EVC2: variants seen among roughly 807,000 people sequenced by gnomAD.
EVC2 encodes the protein EvC ciliary complex subunit 2.
In EVC2, 148 loss-of-function variants were observed where a neutral mutation model predicts 149.3. The observed-to-expected ratio is 0.99, with a 90% CI of 0.87 to 1.14. The LOEUF (loss-of-function observed/expected upper bound fraction) is 1.14. Ranked by LOEUF, EVC2 falls within the 50% of genes most tolerant of loss-of-function variation. The probability of loss-of-function intolerance (pLI) is 0.00; values close to 1 mark genes in which losing one functional copy is unlikely to be tolerated. For synonymous variants in EVC2, 776 were observed against 649.9 expected (o/e 1.19, Z -2.95); for missense variants, 1,854 against 1,627.3 (o/e 1.14, Z -2.40).
In EVC2 at chr4:5,632,309, A is replaced by G. The variant is rs562794130; in HGVS notation, c.1471-277T>C. ...CACAGAACTTGCACACACACAAGGC[A>G]CAAGTACATGTGCGCACACAGCATA... On this transcript the variant is annotated intron_variant, in intron 10 of 21. Transcript: ENST00000344408. Among the ~76,000 whole-genome samples, 8 of 152,346 alleles carry G rather than the reference A, an allele frequency of 5.3e-5. No individual in the cohort carries two copies. In the South Asian group the frequency reaches 6.2e-4, roughly 12 times the overall value.
chr4:5,573,755 C>G (rs1315295214), intron 19 of EVC2, among the ~76,000 whole-genome samples: 1 of 152,184 alleles, frequency 6.6e-6, no homozygotes, highest in Non-Finnish European at 1.5e-5. Flanking sequence ...GTGGATGCAG[C>G]CAGCTGGACG....
At chr4:5,667,889 G>A (rs1342049896) in intron 7 of EVC2, among the ~76,000 whole-genome samples, 6 of 152,180 alleles carry the variant, frequency 3.9e-5, no homozygotes, top group Non-Finnish European at 8.8e-5. Context: ...AAACAGTTCA[G>A]GCACAGGGAG....
At chr4:5,621,121 T>C (rs1000545367) in intron 14 of EVC2, among the ~76,000 whole-genome samples, 1 of 152,178 alleles carries the variant, frequency 6.6e-6, no homozygotes, top group South Asian at 2.1e-4. Flanking sequence ...TATCAATCTT[T>C]GCAAACACCT....
chr4:5,603,368 C>T (rs1714143359), intron 16 of EVC2, among the ~76,000 whole-genome samples: 1 of 152,164 alleles, frequency 6.6e-6, no homozygotes, highest in Non-Finnish European at 1.5e-5. Context: ...TGCAGACTTT[C>T]CCAATCTTTA....
Position 5,640,011 on chromosome 4 carries a change from G to A in EVC2, c.1470+503C>T, listed in dbSNP as rs1717199098. Among the ~76,000 whole-genome samples, 1 of 152,162 alleles carries A rather than the reference G, an allele frequency of 6.6e-6. No homozygotes were observed. The highest frequency in any genetic ancestry group is 6.5e-5 in the Admixed American group (1 of 15,278). ...TTTGCTAAATGAATTCTGGATGGAT[G>A]GATGGGTGGATGAGTGATAATGGGC... On this transcript the variant is annotated intron_variant, in intron 10 of 21. Transcript: ENST00000344408. This position sits in a 1 kb window ranked among gnomAD's most constrained non-coding sequence, Gnocchi z 4.6.
chr4:5,567,480 T>A lies in EVC2; in HGVS notation c.3557+964A>T, dbSNP rs544849397. On this transcript the variant is annotated intron_variant, in intron 20 of 21. Coordinates refer to ENST00000344408, the MANE Select transcript of EVC2 (RefSeq NM_147127.5). This position sits in a 1 kb window ranked among gnomAD's most constrained non-coding sequence, Gnocchi z 4.4. ...AGATGCCCTCCTGGCCTCCTCTGCA[T>A]CCTTGCTGAGGCTGTGAGCTCTGCA... is the stretch of plus-strand genomic sequence containing the variant. 2.6e-5 allele frequency among the ~76,000 whole-genome samples: 4 copies of A among 152,176 alleles called. No homozygotes were observed. The highest frequency in any genetic ancestry group is 1.3e-4 in the Admixed American group (2 of 15,272).
the EVC2 span, among the ~76,000 whole-genome samples, chr4:5,536,534 T>C: frequency 0.027 from 4,054 of 152,156 alleles, 69 homozygotes; most frequent in East Asian, 0.093. Context: ...CCTGTAATCC[T>C]AGCACTTTGG....
At chr4:5,673,102 C>T (rs1719757695) in intron 7 of EVC2, among the ~76,000 whole-genome samples, 1 of 152,194 alleles carries the variant, frequency 6.6e-6, no homozygotes, top group Admixed American at 6.5e-5. Flanking sequence ...ACTGTAGTAA[C>T]TGTCAATAAC....
intron 17 of EVC2, among the ~76,000 whole-genome samples, chr4:5,578,527 T>C (rs1372493645): frequency 6.6e-6 from 1 of 152,008 alleles, no homozygotes; most frequent in Non-Finnish European, 1.5e-5. Flanking sequence ...GAGTCAGGGG[T>C]GATTTCAGGT....
chr4:5,665,703 CA>C, intron 7 of EVC2, 54 bp from the exon 8 acceptor site: 1 of 1,600,498 alleles, frequency 6.2e-7, no homozygotes. Flanking sequence ...GCATGTCTCC[CA>C]GGCCTCACAG....
the EVC2 span, among the ~76,000 whole-genome samples, chr4:5,534,222 T>G: frequency 6.6e-6 from 1 of 152,160 alleles, no homozygotes; most frequent in Admixed American, 6.5e-5. Flanking sequence ...AGTTGCTGTA[T>G]GAAGCTGTGA....
At chr4:5,675,241 T>C (rs1042135965) in intron 7 of EVC2, among the ~76,000 whole-genome samples, 1 of 152,256 alleles carries the variant, frequency 6.6e-6, no homozygotes, top group African/African-American at 2.4e-5. Flanking sequence ...TTTGCAACTA[T>C]GTGTACCTAA....
intron 6 of EVC2, among the ~76,000 whole-genome samples, 174 bp downstream of exon 6, chr4:5,685,196 G>A (rs1203012025): frequency 6.6e-6 from 1 of 152,188 alleles, no homozygotes; most frequent in Admixed American, 6.5e-5. Flanking sequence ...CATTACTAAG[G>A]GAGCCCAGTT....
Position 5,628,546 on chromosome 4 carries a change from T to C in EVC2, c.1886+13A>G. 3 of 1,614,072 alleles carry C rather than the reference T, an allele frequency of 1.9e-6. No homozygotes were observed. The highest frequency in any genetic ancestry group is 3.3e-5 in the Admixed American group (2 of 60,020). On this transcript the variant is annotated intron_variant, in intron 12 of 21. Transcript: ENST00000344408. ...AAGACAGTTCGCACTGTTGGGACAG[T>C]GTTGAGTGGTACCTCTCGTGCTTCT...
At chr4:5,654,599 G>C (rs1718378068) in intron 9 of EVC2, among the ~76,000 whole-genome samples, 1 of 152,150 alleles carries the variant, frequency 6.6e-6, no homozygotes, top group South Asian at 2.1e-4. Context: ...GCATCACTGT[G>C]GGGGTGGCTG....
rs141324707 is a variant in EVC2, at chr4:5,596,691, C to T, written c.2830-11841G>A. ...AAGTAAGAGCAAACACATTCAAAAGCTAGCAGAAGGCAAGAAGTAACTAAA... is the reference window on the plus strand; with the variant it reads ...AAGTAAGAGCAAACACATTCAAAAGTTAGCAGAAGGCAAGAAGTAACTAAA... On this transcript the variant is annotated intron_variant, in intron 16 of 21. Coordinates refer to ENST00000344408, the MANE Select transcript of EVC2 (RefSeq NM_147127.5). 1.3e-3 allele frequency among the ~76,000 whole-genome samples: 201 copies of T among 152,184 alleles called. 1 individual carries two copies. Among genetic ancestry groups the T allele is most frequent in the African/African-American group, 4.3e-3 (180 of 41,522 alleles).
At chr4:5,645,149 A>T (rs1240183842) in intron 9 of EVC2, among the ~76,000 whole-genome samples, 1 of 152,154 alleles carries the variant, frequency 6.6e-6, no homozygotes, top group Non-Finnish European at 1.5e-5. Flanking sequence ...CCATACTATA[A>T]GGTAAGGCTA....
At position 5,647,879 on chromosome 4, in the gene EVC2, C is replaced by T. The variant is rs927374155; in HGVS notation, c.1146-7041G>A. 3.3e-5 allele frequency among the ~76,000 whole-genome samples: 5 copies of T among 152,294 alleles called. No homozygotes were observed. In the East Asian group the frequency reaches 5.8e-4, roughly 18 times the overall value. ...CAGAAGAGGGGTCAGAGTTGGAGAA[C>T]GCCCTGTGGCGAAGGAAGCCGACAT... is the stretch of plus-strand genomic sequence containing the variant. On this transcript the variant is annotated intron_variant, in intron 9 of 21. Transcript: ENST00000344408.
chr4:5,647,580 G>A (rs1717813819), intron 9 of EVC2, among the ~76,000 whole-genome samples: 1 of 152,194 alleles, frequency 6.6e-6, no homozygotes, highest in Non-Finnish European at 1.5e-5. Flanking sequence ...AAAGCAGTGT[G>A]TGTATGGCTA....
Sources: allele counts gnomAD v4.1 joint callset (sites outside exome capture counted in the v4.1 genomes callset), GRCh38; gene constraint gnomAD v4.1.1; non-coding constraint Gnocchi (gnomAD v3.1); transcripts MANE v1.5; gene names NCBI Gene and HGNC (gene_info 2026-07-23, HGNC 2026-07-21).